FAM241A: variants seen among roughly 807,000 people sequenced by gnomAD.
FAM241A encodes uncharacterized protein FAM241A.
A neutral mutation model predicts 12.2 loss-of-function variants in FAM241A; 7 were observed. The observed-to-expected ratio is 0.58, with a 90% CI of 0.33 to 1.08. The LOEUF is 1.08. FAM241A is among the 50% of genes least tolerant of loss of function. FAM241A has a pLI of 0.04. For synonymous variants in FAM241A, 74 were observed against 68.2 expected, an observed-to-expected ratio of 1.08 and a Z score of -0.42; for missense variants, 161 against 169.7, an observed-to-expected ratio of 0.95 and a Z score of 0.29.
intron 1 of FAM241A, among the ~76,000 whole-genome samples, chr4:112,160,373 C>G (rs1298794716): frequency 6.7e-6 from 1 of 149,948 alleles, no homozygotes; most frequent in Non-Finnish European, 1.5e-5. Context: ...CCACTGTACT[C>G]CAGCCTGGGT....
chr4:112,171,240 T>G (rs1384971813), intron 1 of FAM241A: 1 of 735,114 alleles, frequency 1.4e-6, no homozygotes, highest in African/African-American at 1.7e-5. Flanking sequence ...TAAAACCCAC[T>G]GGACTTTCTG....
rs976527594 is a variant in FAM241A, at chr4:112,159,904, C to G, written c.153+14171C>G. ...TCCACTGGTCACCAGTGTTACTCAACATAGTAATGGAAGTCCTAGCTAGAG... is the reference window on the plus strand; with the variant it reads ...TCCACTGGTCACCAGTGTTACTCAAGATAGTAATGGAAGTCCTAGCTAGAG... On this transcript the variant is annotated intron_variant, in intron 1 of 1. Coordinates refer to ENST00000309733, the MANE Select transcript of FAM241A (RefSeq NM_152400.3). 1.5e-4 allele frequency among the ~76,000 whole-genome samples: 23 copies of G among 152,082 alleles called. 1 individual carries two copies. The highest frequency in any genetic ancestry group is 6.5e-5 in the Admixed American group (1 of 15,268).
intron 1 of FAM241A, among the ~76,000 whole-genome samples, chr4:112,184,234 A>G (rs1311193714): frequency 6.6e-6 from 1 of 152,216 alleles, no homozygotes; most frequent in Non-Finnish European, 1.5e-5. Context: ...TAATTTTAAA[A>G]ATTATATAAA....
At chr4:112,163,643 T>C (rs1159149545) in intron 1 of FAM241A, among the ~76,000 whole-genome samples, 3 of 152,192 alleles carry the variant, frequency 2.0e-5, no homozygotes, top group Non-Finnish European at 2.9e-5. Context: ...ATGACGATTA[T>C]TAAAAAGTTA....
chr4:112,187,200 A>G lies in FAM241A; in HGVS notation c.*262A>G, dbSNP rs759372845. ...ATCTCTGTCTCCTTTATACACCTCT[A>G]TCCCCATGCCAAATCTTAAGTAACA... On this transcript the variant is annotated 3_prime_UTR_variant, in exon 2 of 2. Transcript: ENST00000309733. 1 of 348,124 alleles carries G rather than the reference A, an allele frequency of 2.9e-6. No individual in the cohort carries two copies. The highest frequency in any genetic ancestry group is 5.2e-6 in the Non-Finnish European group (1 of 193,496). The allele number at this position is 348,124 out of a possible 1,614,324, so 21.6% of individuals were successfully genotyped here. A position where few individuals can be genotyped will look rare whatever the true frequency, so the allele number is the denominator to read the frequency against.
intron 1 of FAM241A, among the ~76,000 whole-genome samples, chr4:112,162,710 A>G (rs1218736660): frequency 2.0e-5 from 3 of 152,244 alleles, no homozygotes; most frequent in Admixed American, 6.5e-5. Context: ...GGAAGAATCA[A>G]TATCATGAAA....
At position 112,145,497 on chromosome 4, in the gene FAM241A, G is replaced by A; in HGVS notation, c.-84G>A. 5 of 1,172,016 alleles carry A rather than the reference G, an allele frequency of 4.3e-6. No individual in the cohort carries two copies. The highest frequency in any genetic ancestry group is 3.6e-5 in the East Asian group (1 of 28,114). 72.6% of individuals were successfully genotyped at this position (1,172,016 alleles called of 1,614,324 possible). ...AGCGGCGGGTGCGGCGGATCCCAGG[G>A]CAGCCTTCGGGCGGCGGCGCTGCCT... On this transcript the variant is annotated 5_prime_UTR_variant, in exon 1 of 2. Transcript: ENST00000309733.
chr4:112,185,933 C>T (rs1021116902), intron 1 of FAM241A, among the ~76,000 whole-genome samples: 11 of 152,160 alleles, frequency 7.2e-5, no homozygotes, highest in Non-Finnish European at 1.0e-4. Context: ...TGAAGTGTCA[C>T]GCTGGTCCCT....
chr4:112,193,812 G>A lies in FAM241A; in HGVS notation c.*6874G>A, dbSNP rs1169835624. ...CTCCAGCTTTGTTCTTTTGGCTTAG[G>A]ATTGACTTGGCGATGCGGGCTCTTT... is the stretch of plus-strand genomic sequence containing the variant. On this transcript the variant is annotated 3_prime_UTR_variant, in exon 2 of 2. Coordinates refer to ENST00000309733, the MANE Select transcript of FAM241A (RefSeq NM_152400.3). 4.0e-5 allele frequency: 6 copies of A among 151,492 alleles called. No individual in the cohort carries two copies. The highest frequency in any genetic ancestry group is 7.4e-5 in the Non-Finnish European group (5 of 67,900). The allele number at this position is 151,492 out of a possible 1,614,324, so 9.4% of individuals were successfully genotyped here.
At chr4:112,178,820 A>G (rs1723872218) in intron 1 of FAM241A, among the ~76,000 whole-genome samples, 1 of 152,138 alleles carries the variant, frequency 6.6e-6, no homozygotes, top group African/African-American at 2.4e-5. Context: ...TTTTAAAAGG[A>G]CAAAGGACAT....
intron 1 of FAM241A, among the ~76,000 whole-genome samples, chr4:112,182,874 T>C (rs1723966812): frequency 6.6e-6 from 1 of 152,202 alleles, no homozygotes; most frequent in Admixed American, 6.5e-5. Context: ...TTTGAGAGGA[T>C]ATCCTAGATA....
chr4:112,175,296 C>T (rs1723797043), intron 1 of FAM241A, among the ~76,000 whole-genome samples: 1 of 152,132 alleles, frequency 6.6e-6, no homozygotes, highest in Non-Finnish European at 1.5e-5. Flanking sequence ...AAGCTTTCCC[C>T]CCTAGTAATA....
chr4:112,147,911 T>C (rs80020440), intron 1 of FAM241A, among the ~76,000 whole-genome samples: 2,028 of 152,152 alleles, frequency 0.013, 22 homozygotes, highest in Middle Eastern at 0.031. Context: ...GCACGCTCAC[T>C]TCGTGTTCCG....
chr4:112,187,099 C>T lies in FAM241A; in HGVS notation c.*161C>T. 1.4e-6 allele frequency: 1 copy of T among 724,632 alleles called. No individual in the cohort carries two copies. The highest frequency in any genetic ancestry group is 2.3e-6 in the Non-Finnish European group (1 of 435,586). 44.9% of individuals were successfully genotyped at this position (724,632 alleles called of 1,614,324 possible). A position where few individuals can be genotyped will look rare whatever the true frequency, so the allele number is the denominator to read the frequency against. ...TACATGGATGTCACTTAAAACTAAA[C>T]TCTTGATCATAACAGGGTTGAATAT... On this transcript the variant is annotated 3_prime_UTR_variant, in exon 2 of 2. Coordinates refer to ENST00000309733, the MANE Select transcript of FAM241A (RefSeq NM_152400.3).
chr4:112,154,260 T>A (rs1348443614), intron 1 of FAM241A, among the ~76,000 whole-genome samples: 1 of 152,184 alleles, frequency 6.6e-6, no homozygotes, highest in Non-Finnish European at 1.5e-5. Context: ...CTTTATTTTT[T>A]AAAATTTATT....
intron 1 of FAM241A, among the ~76,000 whole-genome samples, chr4:112,163,725 A>G (rs1723531899): frequency 6.6e-6 from 1 of 152,240 alleles, no homozygotes; most frequent in Non-Finnish European, 1.5e-5. Context: ...ATTGTAAGCT[A>G]GTTCAACCAT....
chr4:112,166,352 A>T (rs1304049212), intron 1 of FAM241A, among the ~76,000 whole-genome samples: 3 of 151,840 alleles, frequency 2.0e-5, no homozygotes, highest in Admixed American at 1.3e-4. Flanking sequence ...AAATTTTTTT[A>T]AATGTTTTTT....
At chr4:112,150,762 A>G (rs1290900913) in intron 1 of FAM241A, among the ~76,000 whole-genome samples, 1 of 152,256 alleles carries the variant, frequency 6.6e-6, no homozygotes, top group Non-Finnish European at 1.5e-5. Context: ...ACTTTAGGCA[A>G]GTAACTAACC....
chr4:112,146,210 G>A (rs2110416851), intron 1 of FAM241A, among the ~76,000 whole-genome samples: 1 of 152,212 alleles, frequency 6.6e-6, no homozygotes, highest in East Asian at 1.9e-4. Flanking sequence ...GGTGGATTCC[G>A]TCCACGGGCA....
Sources: gnomAD v4.1 joint callset for allele counts (sites outside exome capture counted in the v4.1 genomes callset) on GRCh38, gnomAD v4.1.1 for gene constraint, MANE v1.5 for transcripts, NCBI Gene and HGNC (gene_info 2026-07-23, HGNC 2026-07-21) for gene names.